Variants in TSPAN18 observed in about 807,000 individuals in gnomAD.
TSPAN18 encodes tetraspanin 18.
TSPAN18 carries 14 observed loss-of-function variants against 27.3 expected under a neutral mutation model. That is an observed-to-expected ratio of 0.51 (90% CI 0.34 to 0.80). The LOEUF (loss-of-function observed/expected upper bound fraction) is 0.80. TSPAN18 is among the 30% of genes least tolerant of loss of function. The pLI is 0.01. For synonymous variants in TSPAN18, 143 were observed against 136.5 expected, an observed-to-expected ratio of 1.05 and a Z score of -0.33; for missense variants, 268 against 323.9, an observed-to-expected ratio of 0.83 and a Z score of 1.32.
intron 3 of TSPAN18, among the ~76,000 whole-genome samples, chr11:44,882,627 C>CACACACACACACACACACACACACAG (rs375349718): frequency 1.5e-5 from 2 of 130,608 alleles, no homozygotes; most frequent in African/African-American, 6.0e-5. Flanking sequence ...CACACACACA[C>CACACACACACACACACACACACACAG]AGAGAGAGAG....
chr11:44,891,075 G>A (rs1192795463), intron 3 of TSPAN18, among the ~76,000 whole-genome samples: 1 of 152,162 alleles, frequency 6.6e-6, no homozygotes, highest in African/African-American at 2.4e-5. Flanking sequence ...AGAGGCTGGG[G>A]TGGGAGGATT....
intron 2 of TSPAN18, among the ~76,000 whole-genome samples, chr11:44,777,039 G>A (rs1344305314): frequency 1.3e-5 from 2 of 152,186 alleles, no homozygotes; most frequent in Non-Finnish European, 2.9e-5. Flanking sequence ...CCCCAGGCCT[G>A]GTTCTAAAGA....
intron 2 of TSPAN18, among the ~76,000 whole-genome samples, chr11:44,784,534 ACT>A (rs1276250842): frequency 6.6e-6 from 1 of 151,952 alleles, no homozygotes; most frequent in Non-Finnish European, 1.5e-5. Context: ...CGCTCTGGAG[ACT>A]CTGTGCTATC....
At chr11:44,915,211 G>A (rs1185268021) in intron 5 of TSPAN18, among the ~76,000 whole-genome samples, 1 of 152,216 alleles carries the variant, frequency 6.6e-6, no homozygotes, top group African/African-American at 2.4e-5. Context: ...AGGGTGGGGA[G>A]GGGCTCCTCA....
chr11:44,811,993 T>C (rs901667150), intron 2 of TSPAN18, among the ~76,000 whole-genome samples: 4 of 152,172 alleles, frequency 2.6e-5, no homozygotes, highest in Non-Finnish European at 5.9e-5. Context: ...GGGCTGGCAA[T>C]GCCATATGTT....
At chr11:44,888,820 T>G (rs1476515623) in intron 3 of TSPAN18, among the ~76,000 whole-genome samples, 1 of 152,192 alleles carries the variant, frequency 6.6e-6, no homozygotes, top group Non-Finnish European at 1.5e-5. Context: ...CCAGGTGGGA[T>G]GGATGCACCA....
chr11:44,804,313 G>A (rs1245358795), intron 2 of TSPAN18, among the ~76,000 whole-genome samples: 2 of 152,190 alleles, frequency 1.3e-5, no homozygotes, highest in Non-Finnish European at 2.9e-5. Flanking sequence ...GGCCGGTCTC[G>A]AACTCCTGAC....
chr11:44,918,354 G>A (rs1258062501), intron 6 of TSPAN18, among the ~76,000 whole-genome samples: 1 of 152,184 alleles, frequency 6.6e-6, no homozygotes, highest in Non-Finnish European at 1.5e-5. Flanking sequence ...GAGACAGTCA[G>A]AATAGTCGGA....
chr11:44,824,704 G>A (rs528050860), intron 2 of TSPAN18, among the ~76,000 whole-genome samples: 1 of 152,360 alleles, frequency 6.6e-6, no homozygotes, highest in South Asian at 2.1e-4. Flanking sequence ...GGCCTTCAGA[G>A]TAAACACACT....
In TSPAN18 at chr11:44,746,602, T is replaced by C. The variant is rs1262823336; in HGVS notation, c.-239-17824T>C. Among the ~76,000 whole-genome samples, 3 of 151,820 alleles carry C rather than the reference T, an allele frequency of 2.0e-5. No individual in the cohort carries two copies. In the East Asian group the frequency reaches 5.8e-4, roughly 29 times the overall value. On this transcript the variant is annotated intron_variant, in intron 1 of 9. Coordinates refer to ENST00000520358, the MANE Select transcript of TSPAN18 (RefSeq NM_130783.5). The stretch of plus-strand genomic sequence containing the variant: ...GCCCTCTCTACAAAAAATAAAAAAA[T>C]AAAAATTAGCTGCAGATGGTGGTGC...
chr11:44,819,964 T>C (rs1193702207), intron 2 of TSPAN18, among the ~76,000 whole-genome samples: 1 of 152,088 alleles, frequency 6.6e-6, no homozygotes, highest in Non-Finnish European at 1.5e-5. Context: ...TTCTGAAAGC[T>C]CCCTGGGACT....
At chr11:44,928,763 G>A (rs1395518015) in intron 9 of TSPAN18, among the ~76,000 whole-genome samples, 1 of 151,904 alleles carries the variant, frequency 6.6e-6, no homozygotes, top group Non-Finnish European at 1.5e-5. Context: ...TCCAGCCTGG[G>A]CAACAGAGTG....
chr11:44,841,734 A>G (rs559173408), intron 2 of TSPAN18, among the ~76,000 whole-genome samples: 1 of 152,252 alleles, frequency 6.6e-6, no homozygotes, highest in South Asian at 2.1e-4. Context: ...TGGGACAGGA[A>G]TAGATTTGGG....
intron 1 of TSPAN18, among the ~76,000 whole-genome samples, chr11:44,749,249 CT>C: frequency 6.6e-6 from 1 of 152,366 alleles, no homozygotes; most frequent in Middle Eastern, 3.4e-3. Context: ...TCCTCTGATG[CT>C]CAGGTTCCCC....
chr11:44,775,190 A>T (rs1051944905), intron 2 of TSPAN18, among the ~76,000 whole-genome samples: 2 of 152,166 alleles, frequency 1.3e-5, no homozygotes, highest in African/African-American at 4.8e-5. Flanking sequence ...CAATGACTCA[A>T]TTTTTAGCAT....
At chr11:44,734,607 G>A (rs2134801270) in intron 1 of TSPAN18, among the ~76,000 whole-genome samples, 2 of 152,342 alleles carry the variant, frequency 1.3e-5, no homozygotes, top group South Asian at 4.1e-4. Flanking sequence ...GGAAGGAGAG[G>A]TACCCACTTC....
chr11:44,901,687 C>G (rs1317912197), intron 3 of TSPAN18, among the ~76,000 whole-genome samples: 1 of 152,248 alleles, frequency 6.6e-6, no homozygotes, highest in Non-Finnish European at 1.5e-5. Flanking sequence ...GAAGCCTGGG[C>G]TCCAGACTCC....
intron 2 of TSPAN18, among the ~76,000 whole-genome samples, chr11:44,830,549 T>G (rs898623929): frequency 6.6e-6 from 1 of 152,214 alleles, no homozygotes; most frequent in Non-Finnish European, 1.5e-5. Context: ...TCTGGCCACA[T>G]TCACGTTTGT....
chr11:44,851,091 C>G (rs961419337), intron 2 of TSPAN18, among the ~76,000 whole-genome samples: 4 of 152,220 alleles, frequency 2.6e-5, no homozygotes, highest in African/African-American at 9.7e-5. Context: ...GACCTTTCTG[C>G]TTTAATCCAA....
Sources: allele counts gnomAD v4.1 joint callset (sites outside exome capture counted in the v4.1 genomes callset), GRCh38; gene constraint gnomAD v4.1.1; transcripts MANE v1.5; gene names NCBI Gene and HGNC (gene_info 2026-07-23, HGNC 2026-07-21).